The following CCDC3 variants were observed in gnomAD, a reference collection of about 807,000 sequenced individuals.
CCDC3 encodes the protein coiled-coil domain-containing protein 3.
Under a neutral mutation model 21.4 loss-of-function variants are expected in CCDC3, and 24 were observed. That is an observed-to-expected ratio of 1.12 (90% CI 0.81 to 1.58). The LOEUF (loss-of-function observed/expected upper bound fraction) is 1.58, where lower values mean the gene tolerates loss of function less well. CCDC3 is among the 40% of genes most tolerant of loss of function. The pLI, the probability that CCDC3 is intolerant of heterozygous loss-of-function variation, is 0.00. For synonymous variants in CCDC3, 186 were observed against 166.0 expected (o/e 1.12, Z -0.93); for missense variants, 425 against 360.9 (o/e 1.18, Z -1.44).
chr10:12,996,823 G>A (rs546816292), intron 2 of CCDC3, among the ~76,000 whole-genome samples: 5 of 152,138 alleles, frequency 3.3e-5, no homozygotes, highest in East Asian at 1.9e-4. Context: ...GCAAATGAAC[G>A]CAGGAACAGA....
intron 4 of CCDC3, among the ~76,000 whole-genome samples, chr10:13,068,325 T>C (rs1836845946): frequency 1.3e-5 from 2 of 152,022 alleles, no homozygotes. Flanking sequence ...TCTGCTTGTG[T>C]AGTTAAATAT....
At chr10:13,025,446 C>T (rs1168934221) in intron 5 of CCDC3, among the ~76,000 whole-genome samples, 2 of 152,210 alleles carry the variant, frequency 1.3e-5, no homozygotes, top group African/African-American at 4.8e-5. Context: ...AGGGAACAAG[C>T]ACTAAGGAGT....
chr10:12,990,063 T>C lies in CCDC3; in HGVS notation c.549+8275A>G, dbSNP rs1369235411. Among the ~76,000 whole-genome samples the C allele has an allele frequency of 5.3e-5, 8 of 151,900 alleles. No individual in the cohort carries two copies. In the South Asian group the frequency reaches 6.2e-4, roughly 12 times the overall value. On this transcript the variant is annotated intron_variant, in intron 2 of 2. Coordinates refer to ENST00000378825, the MANE Select transcript of CCDC3 (RefSeq NM_031455.4). ...GTCAGGAGATCGAGACCATCCTGGC[T>C]AACACAGTGAAACCGCATCTCTACT... is the stretch of plus-strand genomic sequence containing the variant.
chr10:13,092,996 C>G (rs2131456214), intron 3 of CCDC3, among the ~76,000 whole-genome samples: 2 of 145,616 alleles, frequency 1.4e-5, no homozygotes, highest in Middle Eastern at 3.7e-3. Context: ...GTATTGTGAT[C>G]TAGTGGAAAG....
At chr10:13,098,252 C>T (rs955688952) in intron 3 of CCDC3, among the ~76,000 whole-genome samples, 39 of 152,156 alleles carry the variant, frequency 2.6e-4, no homozygotes, top group African/African-American at 9.2e-4. Context: ...GGGTGACCTT[C>T]TTCTCTTGGC....
At chr10:13,064,284 G>C (rs1836797665) in intron 4 of CCDC3, among the ~76,000 whole-genome samples, 1 of 152,172 alleles carries the variant, frequency 6.6e-6, no homozygotes, top group Admixed American at 6.5e-5. Context: ...ACACCTCTCT[G>C]AGTCAGGGGC....
At chr10:12,927,501 T>C (rs994283950) in intron 2 of CCDC3, among the ~76,000 whole-genome samples, 1 of 152,230 alleles carries the variant, frequency 6.6e-6, no homozygotes, top group Non-Finnish European at 1.5e-5. Context: ...GCTAAAGCTC[T>C]AGTCTCTTTT....
chr10:13,002,838 G>C (rs1161171402), upstream of CCDC3, among the ~76,000 whole-genome samples: 1 of 152,144 alleles, frequency 6.6e-6, no homozygotes, highest in Non-Finnish European at 1.5e-5. Context: ...TACTGGTGAG[G>C]CCTCTCTTCC....
intron 2 of CCDC3, among the ~76,000 whole-genome samples, chr10:12,949,261 C>T (rs144123558): frequency 3.9e-5 from 6 of 152,268 alleles, no homozygotes; most frequent in South Asian, 2.1e-4. Context: ...TGCCTTGAAC[C>T]GGGTGTGGCC....
intron 2 of CCDC3, among the ~76,000 whole-genome samples, chr10:12,988,368 CAG>C (rs918080517): frequency 1.3e-5 from 2 of 151,460 alleles, no homozygotes; most frequent in African/African-American, 4.9e-5. Flanking sequence ...TTTTTTGAGA[CAG>C]AGTCTCGTTC....
chr10:13,062,715 TG>T (rs1384671558), intron 4 of CCDC3, among the ~76,000 whole-genome samples: 1 of 152,168 alleles, frequency 6.6e-6, no homozygotes, highest in Non-Finnish European at 1.5e-5. Context: ...CCTTTTTGCT[TG>T]GGGACTAGAT....
chr10:13,078,826 C>T (rs4582866), intron 3 of CCDC3, among the ~76,000 whole-genome samples: 111,260 of 147,362 alleles, frequency 0.76, 41,886 homozygotes, highest in Middle Eastern at 0.83. Flanking sequence ...CACTTGGACA[C>T]AGGGTGGGGA....
chr10:12,956,781 C>A (rs1835095930), intron 2 of CCDC3, among the ~76,000 whole-genome samples: 1 of 152,232 alleles, frequency 6.6e-6, no homozygotes, highest in Non-Finnish European at 1.5e-5. Context: ...CACCCACCAC[C>A]ACAAACTCAC....
chr10:13,006,339 C>T (rs1296289897), upstream of CCDC3, among the ~76,000 whole-genome samples: 1 of 152,204 alleles, frequency 6.6e-6, no homozygotes, highest in Non-Finnish European at 1.5e-5. Flanking sequence ...TATCAATTTG[C>T]TCCAGGAAAG....
chr10:13,062,819 C>T (rs1836773473), intron 4 of CCDC3, among the ~76,000 whole-genome samples: 1 of 152,174 alleles, frequency 6.6e-6, no homozygotes, highest in Admixed American at 6.5e-5. Context: ...CCTCCCTAAA[C>T]TGCTCCTAAG....
At chr10:12,913,390 G>A (rs887427361) in intron 2 of CCDC3, among the ~76,000 whole-genome samples, 1 of 152,162 alleles carries the variant, frequency 6.6e-6, no homozygotes, top group Non-Finnish European at 1.5e-5. Context: ...ATAATTCATT[G>A]TTAGTGCATA....
intron 5 of CCDC3, among the ~76,000 whole-genome samples, chr10:13,025,420 T>C (rs1361333909): frequency 6.6e-6 from 1 of 152,192 alleles, no homozygotes; most frequent in African/African-American, 2.4e-5. Flanking sequence ...AGAATTAACA[T>C]ATGAGGGGGC....
chr10:13,062,134 G>A (rs889187786), intron 4 of CCDC3, among the ~76,000 whole-genome samples: 3 of 152,258 alleles, frequency 2.0e-5, no homozygotes, highest in South Asian at 2.1e-4. Context: ...CCCATCTGAC[G>A]AGAATTTATG....
intron 2 of CCDC3, among the ~76,000 whole-genome samples, chr10:12,945,942 A>G (rs754202860): frequency 4.6e-5 from 7 of 152,182 alleles, no homozygotes; most frequent in Non-Finnish European, 8.8e-5. Flanking sequence ...AAACAAGTAG[A>G]TTCTTCTGCC....
Sources: allele counts gnomAD v4.1 joint callset (sites outside exome capture counted in the v4.1 genomes callset), GRCh38; gene constraint gnomAD v4.1.1; transcripts MANE v1.5; gene names NCBI Gene and HGNC (gene_info 2026-07-23, HGNC 2026-07-21).